Variants in ACSL4 observed in about 807,000 individuals in gnomAD.
The protein encoded by ACSL4 is long-chain-fatty-acid--CoA ligase 4.
In ACSL4, 9 loss-of-function variants were observed where a neutral mutation model predicts 49.1. That is an observed-to-expected ratio of 0.18 (90% CI 0.11 to 0.32). The LOEUF is 0.32. Among genes scored for constraint, ACSL4 ranks in the 10% least tolerant of loss-of-function variants. The pLI is 1.00. For synonymous variants in ACSL4, 191 were observed against 170.3 expected (o/e 1.12, Z -0.95); for missense variants, 333 against 493.7 (o/e 0.67, Z 3.08).
At chrX:109,667,530 A>G (rs1477270366) in intron 11 of ACSL4, among the ~76,000 whole-genome samples, 1 of 112,654 alleles carries the variant, frequency 8.9e-6, no homozygotes, top group South Asian at 3.6e-4. Flanking sequence ...TCTCCAAAGA[A>G]GTGATCATTT....
intron 1 of ACSL4, among the ~76,000 whole-genome samples, chrX:109,696,555 A>C: frequency 8.9e-6 from 1 of 112,563 alleles, no homozygotes; most frequent in Admixed American, 9.4e-5. Context: ...CAGTCACACA[A>C]GACAGCCATC....
chrX:109,713,318 T>C (rs970964976), intron 1 of ACSL4, among the ~76,000 whole-genome samples: 2 of 111,770 alleles, frequency 1.8e-5, no homozygotes, highest in Non-Finnish European at 3.8e-5. Context: ...TCACTATAGT[T>C]AAAGTTCTCT....
At chrX:109,718,567 C>T (rs1159343602) in intron 1 of ACSL4, among the ~76,000 whole-genome samples, 1 of 111,495 alleles carries the variant, frequency 9.0e-6, no homozygotes, top group Non-Finnish European at 1.9e-5. Context: ...CCTGCCTGAG[C>T]AACATGGCAA....
chrX:109,653,815 G>T (rs960498285), intron 15 of ACSL4, among the ~76,000 whole-genome samples: 1 of 108,783 alleles, frequency 9.2e-6, no homozygotes, highest in African/African-American at 3.4e-5. Context: ...TGGGGTGGGC[G>T]GAAGGGGGAG....
chrX:109,672,865 A>G (rs1923379702), intron 9 of ACSL4, among the ~76,000 whole-genome samples: 1 of 110,837 alleles, frequency 9.0e-6, no homozygotes, highest in African/African-American at 3.3e-5. Flanking sequence ...GTCTCCTGAC[A>G]GCTGCTAAAA....
intron 1 of ACSL4, among the ~76,000 whole-genome samples, chrX:109,723,712 T>C (rs183871705): frequency 8.9e-6 from 1 of 112,650 alleles, no homozygotes; most frequent in Non-Finnish European, 1.9e-5. Flanking sequence ...CATAGTTTTA[T>C]ACACATGTAA....
chrX:109,645,724 G>A (rs188364070), intron 15 of ACSL4, among the ~76,000 whole-genome samples: 1,193 of 111,774 alleles, frequency 0.011, 10 homozygotes, highest in Non-Finnish European at 0.016. Flanking sequence ...AAATTACTCC[G>A]AGCTACGGGA....
intron 8 of ACSL4, among the ~76,000 whole-genome samples, chrX:109,674,767 T>C (rs1261714157): frequency 4.4e-5 from 5 of 112,388 alleles, no homozygotes; most frequent in Non-Finnish European, 5.6e-5. Flanking sequence ...CTATCAAATA[T>C]AGCACAGACT....
At chrX:109,655,168 C>A (rs964535253) in intron 15 of ACSL4, among the ~76,000 whole-genome samples, 1 of 111,783 alleles carries the variant, frequency 8.9e-6, no homozygotes, top group Non-Finnish European at 1.9e-5. Context: ...TGAATATGGA[C>A]ATACAAGGAT....
chrX:109,656,066 C>T (rs1290438142), intron 15 of ACSL4, among the ~76,000 whole-genome samples: 1 of 110,582 alleles, frequency 9.0e-6, no homozygotes, highest in African/African-American at 3.3e-5. Flanking sequence ...ATCCAGGAAA[C>T]AGGATCCAAC....
chrX:109,653,820 G>T (rs1055452850), intron 15 of ACSL4, among the ~76,000 whole-genome samples: 3 of 108,999 alleles, frequency 2.8e-5, no homozygotes, highest in African/African-American at 1.0e-4. Context: ...TGGGCGGAAG[G>T]GGGAGGGATA....
At chrX:109,667,420 C>T (rs749200109) in intron 11 of ACSL4, among the ~76,000 whole-genome samples, 5 of 112,442 alleles carry the variant, frequency 4.4e-5, no homozygotes, top group Non-Finnish European at 9.4e-5. Context: ...TCGCTTCAGG[C>T]TGTTGAAAAT....
At position 109,643,973 on chromosome X, in the gene ACSL4, G is replaced by C; in HGVS notation, c.*56C>G. 8.6e-7 allele frequency: 1 copy of C among 1,158,669 alleles called. No homozygotes were observed. On this transcript the variant is annotated 3_prime_UTR_variant, in exon 16 of 16. Transcript: ENST00000672401. ...AGTTCAACAAAGGCTTAAAATTCTAGAGGTTGAAAACCACCAGGCTACCTC... is the reference window on the plus strand; with the variant it reads ...AGTTCAACAAAGGCTTAAAATTCTACAGGTTGAAAACCACCAGGCTACCTC...
chrX:109,653,518 C>A (rs984596525), intron 15 of ACSL4, among the ~76,000 whole-genome samples: 7 of 111,199 alleles, frequency 6.3e-5, no homozygotes, highest in African/African-American at 2.3e-4. Flanking sequence ...ATGTTTATTG[C>A]GGCACTATTC....
At chrX:109,697,354 T>G (rs992775895) in intron 1 of ACSL4, among the ~76,000 whole-genome samples, 2 of 111,137 alleles carry the variant, frequency 1.8e-5, no homozygotes, top group African/African-American at 6.5e-5. Context: ...GTTTTGTTGG[T>G]TTTTTTTAGT....
At chrX:109,680,314 G>A (rs759849773) in intron 6 of ACSL4, among the ~76,000 whole-genome samples, 4 of 111,822 alleles carry the variant, frequency 3.6e-5, no homozygotes, top group Non-Finnish European at 5.6e-5. Context: ...TATTATAAAC[G>A]CATGCTCATT....
At chrX:109,675,538 T>G (rs906238851) in intron 8 of ACSL4, among the ~76,000 whole-genome samples, 1 of 111,785 alleles carries the variant, frequency 8.9e-6, no homozygotes, top group Admixed American at 9.5e-5. Context: ...AGGCTTCTAA[T>G]GTACTAGCTT....
chrX:109,649,401 A>G (rs773302396), intron 15 of ACSL4, among the ~76,000 whole-genome samples: 2 of 111,716 alleles, frequency 1.8e-5, no homozygotes, highest in South Asian at 7.5e-4. Flanking sequence ...TCTTTGACAA[A>G]CCTAAGAAAA....
At chrX:109,676,965 T>C in intron 8 of ACSL4, among the ~76,000 whole-genome samples, 1 of 106,118 alleles carries the variant, frequency 9.4e-6, no homozygotes, top group East Asian at 2.9e-4. Flanking sequence ...TTTTACTTAA[T>C]TTTTTTTTTT....
Sources: gnomAD v4.1 joint callset for allele counts (sites outside exome capture counted in the v4.1 genomes callset) on GRCh38, gnomAD v4.1.1 for gene constraint, MANE v1.5 for transcripts, NCBI Gene and HGNC (gene_info 2026-07-23, HGNC 2026-07-21) for gene names.